DMP1: variants seen among roughly 807,000 people sequenced by gnomAD.
The protein encoded by DMP1 is dentin matrix protein 1.
DMP1 carries 20 observed loss-of-function variants against 14.6 expected under a neutral mutation model. That is an observed-to-expected ratio of 1.37 (90% CI 0.96 to 1.99). DMP1 has a LOEUF of 1.99. DMP1 is among the 30% of genes most tolerant of loss of function. The probability of loss-of-function intolerance (pLI) is 0.00; values close to 1 mark genes in which losing one functional copy is unlikely to be tolerated. For synonymous variants in DMP1, 197 were observed against 215.3 expected, an observed-to-expected ratio of 0.91 and a Z score of 0.75; for missense variants, 567 against 620.5, an observed-to-expected ratio of 0.91 and a Z score of 0.92.
At position 87,662,951 on chromosome 4, in the gene DMP1, A is replaced by C. The variant is rs768945154; in HGVS notation, c.1173A>C (p.Thr391=). The change falls in exon 6 of 6, where the codon ACA becomes ACC. Residue 391 remains threonine (T), a synonymous_variant. Coordinates refer to ENST00000339673, the MANE Select transcript of DMP1 (RefSeq NM_004407.4). ...CCAGCGAGGAGGACAGCTCGCACAC[A>C]CTCTCCCACTCAAAAAGTGAATCCA... ...SDSSEEDSSH[T]LSHSKSESRE... is the part of the protein sequence containing the mutation. 6.2e-7 allele frequency: 1 copy of C among 1,614,048 alleles called. No individual in the cohort carries two copies. The highest frequency in any genetic ancestry group is 8.5e-7 in the Non-Finnish European group (1 of 1,179,996).
intron 2 of DMP1, 56 bp from the exon 3 acceptor site, chr4:87,656,976 T>C (rs1728716418): frequency 1.9e-6 from 2 of 1,080,558 alleles, no homozygotes; most frequent in Admixed American, 1.7e-5. Flanking sequence ...AATGTGTTAA[T>C]AACTATTGCT....
At chr4:87,659,003 T>C in intron 3 of DMP1, 3 of 589,292 alleles carry the variant, frequency 5.1e-6, no homozygotes, top group Non-Finnish European at 9.1e-6. Context: ...ATATAAACAT[T>C]GTCTAGGTCT....
At chr4:87,656,577 A>G in intron 2 of DMP1, 31 bp downstream of exon 2, 1 of 1,432,812 alleles carries the variant, frequency 7.0e-7, no homozygotes, top group Non-Finnish European at 9.9e-7. Context: ...ATATGAAAAA[A>G]CCCTTTCATA....
At chr4:87,657,313 C>A in intron 3 of DMP1, 1 of 347,258 alleles carries the variant, frequency 2.9e-6, no homozygotes, top group Non-Finnish European at 5.4e-6. Context: ...TATAATAGTA[C>A]CAGGGGATGC....
chr4:87,663,136 A>T lies in DMP1; in HGVS notation c.1358A>T (p.Asp453Val), dbSNP rs778875728. The T allele has an allele frequency of 3.1e-6, 5 of 1,614,196 alleles. No individual in the cohort carries two copies. The highest frequency in any genetic ancestry group is 4.2e-6 in the Non-Finnish European group (5 of 1,180,042). ...GAGGAAAGCCATTCTGAGGAAGACG[A>T]CAGTGACTCTCAAGACAGCAGCAGA... Reference protein sequence around the residue: ...QSEESHSEEDDSDSQDSSRSK... With the variant: ...QSEESHSEEDVSDSQDSSRSK... Residue 453 changes from aspartate to valine, a missense_variant, in exon 6 of 6, where the codon GAC becomes GTC. By Grantham distance (152) the Asp-to-Val change is radical. Coordinates refer to ENST00000339673, the MANE Select transcript of DMP1 (RefSeq NM_004407.4).
intron 1 of DMP1, among the ~76,000 whole-genome samples, chr4:87,653,373 G>T (rs1728572130): frequency 9.1e-6 from 1 of 110,092 alleles, no homozygotes; most frequent in African/African-American, 3.4e-5. Flanking sequence ...AGCATATTCA[G>T]GCATTATCGA....
At position 87,663,191 on chromosome 4, in the gene DMP1, C is replaced by T. The variant is rs548271352; in HGVS notation, c.1413C>T (p.Ser471=). The T allele has an allele frequency of 6.2e-7, 1 of 1,614,082 alleles. No individual in the cohort carries two copies. Among genetic ancestry groups the T allele is most frequent in the East Asian group, 2.2e-5 (1 of 44,862 alleles). The part of the protein sequence containing the change: ...RSKEDSNSTE[S]KSSSEEDGQL... ...AAGAAGATAGCAACTCCACGGAGAG[C>T]AAATCAAGCAGTGAGGAAGATGGCC... Residue 471 remains serine, a synonymous_variant, in exon 6 of 6, where the codon AGC becomes AGT. Transcript: ENST00000339673.
intron 5 of DMP1, among the ~76,000 whole-genome samples, chr4:87,660,534 G>T (rs2110014829): frequency 6.6e-6 from 1 of 152,292 alleles, no homozygotes; most frequent in South Asian, 2.1e-4. Context: ...CTCAGACATT[G>T]ATCAGTAGGG....
At chr4:87,656,396 A>G in intron 1 of DMP1, 76 bp from the exon 2 acceptor site, 1 of 831,758 alleles carries the variant, frequency 1.2e-6, no homozygotes, top group Non-Finnish European at 2.1e-6. Context: ...AATTTTTAGT[A>G]GGAAGAAACT....
chr4:87,658,316 G>A (rs1728758109), intron 3 of DMP1, among the ~76,000 whole-genome samples: 2 of 152,204 alleles, frequency 1.3e-5, no homozygotes, highest in Admixed American at 1.3e-4. Flanking sequence ...TTGCGCCTTG[G>A]GTGTTCCACA....
intron 3 of DMP1, 27 bp downstream of exon 3, chr4:87,657,106 T>C (rs1302317977): frequency 7.4e-7 from 1 of 1,342,396 alleles, no homozygotes; most frequent in Non-Finnish European, 1.1e-6. Flanking sequence ...CTTTTTGAAA[T>C]ATTTTAATTT....
Position 87,662,459 on chromosome 4 carries a change from G to C in DMP1, c.681G>C (p.Arg227Ser). The part of the protein sequence containing the change: ...SDDPESIRSE[R>S]GNSRMNSAGM... The stretch of plus-strand genomic sequence containing the variant: ...ACCCAGAGAGCATCAGGAGTGAAAG[G>C]GGAAACTCCAGAATGAACAGTGCAG... The change falls in exon 6 of 6, where the codon AGG (arginine) becomes AGC (serine). Residue 227 changes from arginine (R) to serine (S), a missense_variant. Arg to Ser is a moderately radical substitution (Grantham distance 110). Coordinates refer to ENST00000339673, the MANE Select transcript of DMP1 (RefSeq NM_004407.4). 1 of 1,614,132 alleles carries C rather than the reference G, an allele frequency of 6.2e-7. No homozygotes were observed. Among genetic ancestry groups the C allele is most frequent in the Non-Finnish European group, 8.5e-7 (1 of 1,180,024 alleles).
At chr4:87,654,589 A>G (rs1459774473) in intron 1 of DMP1, among the ~76,000 whole-genome samples, 1 of 152,190 alleles carries the variant, frequency 6.6e-6, no homozygotes, top group East Asian at 1.9e-4. Context: ...AAAGAGTCCG[A>G]GGACTTCAGT....
intron 5 of DMP1, among the ~76,000 whole-genome samples, chr4:87,661,035 T>G (rs1207922854): frequency 2.7e-5 from 4 of 145,870 alleles, no homozygotes; most frequent in African/African-American, 7.3e-5. Flanking sequence ...AGAGGTTTTT[T>G]TGTGTGTGTG....
chr4:87,662,849 A>G lies in DMP1; in HGVS notation c.1071A>G (p.Glu357=). 6.2e-7 allele frequency: 1 copy of G among 1,613,512 alleles called. No individual in the cohort carries two copies. Among genetic ancestry groups the G allele is most frequent in the Non-Finnish European group, 8.5e-7 (1 of 1,179,436 alleles). The change falls in exon 6 of 6, where the codon GAA becomes GAG. Residue 357 remains glutamate, a synonymous_variant. Coordinates refer to ENST00000339673, the MANE Select transcript of DMP1 (RefSeq NM_004407.4). The part of the protein sequence containing the change: ...SSQENSSESQ[E]EVVSESRGDN... The stretch of plus-strand genomic sequence containing the variant: ...AAGAGAACAGCAGTGAGTCTCAGGA[A>G]GAGGTGGTGAGTGAGTCCAGGGGAG...
At chr4:87,654,275 T>A (rs1006401414) in intron 1 of DMP1, among the ~76,000 whole-genome samples, 7 of 152,166 alleles carry the variant, frequency 4.6e-5, no homozygotes, top group African/African-American at 1.7e-4. Flanking sequence ...CTGGTTTCTA[T>A]AACCTGCCTT....
chr4:87,658,850 A>C (rs1034398394), intron 3 of DMP1: 1 of 262,254 alleles, frequency 3.8e-6, no homozygotes, highest in Non-Finnish European at 7.4e-6. Context: ...TTTCAGGGCT[A>C]AAACCAAAAC....
chr4:87,661,997 G>C lies in DMP1; in HGVS notation c.219G>C (p.Glu73Asp). 1 of 1,614,208 alleles carries C rather than the reference G, an allele frequency of 6.2e-7. No homozygotes were observed. The highest frequency in any genetic ancestry group is 8.5e-7 in the Non-Finnish European group (1 of 1,180,040). The change falls in exon 6 of 6, where the codon GAG becomes GAC. Residue 73 changes from glutamate (E) to aspartate (D), a missense_variant. Physicochemically the swap from Glu to Asp is conservative, Grantham distance 45. Coordinates refer to ENST00000339673, the MANE Select transcript of DMP1 (RefSeq NM_004407.4). ...ACCCCAGTGACAGCACTCAGTCAGA[G>C]GAGGGCCTGGGCTCTGATGATCATC... ...NEDPSDSTQS[E>D]EGLGSDDHQY...
chr4:87,662,334 G>A lies in DMP1; in HGVS notation c.556G>A (p.Glu186Lys), dbSNP rs914247002. The change falls in exon 6 of 6, where the codon GAG becomes AAG. Residue 186 changes from glutamate (E) to lysine (K), a missense_variant. Physicochemically the swap from Glu to Lys is moderately conservative, Grantham distance 56 (BLOSUM62 1). Coordinates refer to ENST00000339673, the MANE Select transcript of DMP1 (RefSeq NM_004407.4). ...SKPEGGDSTQ[E>K]SESEEHWVGG... is the part of the protein sequence containing the mutation. ...GCCTGAGGGAGGTGACTCCACTCAA[G>A]AGAGTGAGAGTGAAGAGCACTGGGT... 3 of 1,613,954 alleles carry A rather than the reference G, an allele frequency of 1.9e-6. No individual in the cohort carries two copies. Among genetic ancestry groups the A allele is most frequent in the African/African-American group, 2.7e-5 (2 of 74,934 alleles).
Sources: gnomAD v4.1 joint callset for allele counts (sites outside exome capture counted in the v4.1 genomes callset) on GRCh38, gnomAD v4.1.1 for gene constraint, MANE v1.5 for transcripts, NCBI Gene and HGNC (gene_info 2026-07-23, HGNC 2026-07-21) for gene names.